TSFM: variants seen among roughly 807,000 people sequenced by gnomAD.
The protein encoded by TSFM is elongation factor Ts, mitochondrial.
A neutral mutation model predicts 33.4 loss-of-function variants in TSFM; 29 were observed. The observed-to-expected ratio is 0.87, with a 90% CI of 0.65 to 1.18. The LOEUF is 1.18. TSFM is among the 50% of genes most tolerant of loss of function. The probability of loss-of-function intolerance (pLI) is 0.00; values close to 1 mark genes in which losing one functional copy is unlikely to be tolerated. For missense variants in TSFM, 394 were observed against 395.6 expected (o/e 1.00, Z 0.04); for synonymous variants, 178 against 163.5 (o/e 1.09, Z -0.68).
chr12:57,802,094 C>T (rs1955860059), downstream of TSFM: 3 of 1,546,628 alleles, frequency 1.9e-6, no homozygotes, highest in East Asian at 6.8e-5. Context: ...ACTCCACCTT[C>T]CTGCCCACTG....
At position 57,789,084 on chromosome 12, in the gene TSFM, C is replaced by T. The variant is rs576578558; in HGVS notation, c.483+1922C>T. 3.1e-4 allele frequency among the ~76,000 whole-genome samples: 47 copies of T among 151,892 alleles called. 1 individual carries two copies. In the South Asian group the frequency reaches 9.8e-3, roughly 32 times the overall value. ...TCAAGCGATTCTTCCACCTCAGCCTCCCAAGTAGCTGGGATTACAGGCACC... is the reference window on the plus strand; with the variant it reads ...TCAAGCGATTCTTCCACCTCAGCCTTCCAAGTAGCTGGGATTACAGGCACC... On this transcript the variant is annotated intron_variant, in intron 4 of 5. Coordinates refer to ENST00000652027, the MANE Select transcript of TSFM (RefSeq NM_005726.6).
chr12:57,791,915 A>C (rs1439815122), intron 4 of TSFM: 1 of 366,302 alleles, frequency 2.7e-6, no homozygotes, highest in Non-Finnish European at 5.6e-6. Context: ...AAAATGTGCA[A>C]ATCTAGCTCT....
At chr12:57,795,299 CA>C (rs1955719076) in intron 5 of TSFM, among the ~76,000 whole-genome samples, 1 of 151,248 alleles carries the variant, frequency 6.6e-6, no homozygotes, top group African/African-American at 2.4e-5. Flanking sequence ...GGGGTTTCTC[CA>C]TGTTGGTCAG....
downstream of TSFM, chr12:57,800,242 C>T (rs1259796840): frequency 4.6e-6 from 1 of 218,816 alleles, no homozygotes. Context: ...TTTTATTTAG[C>T]CCTGCATTTC....
chr12:57,782,893 C>T (rs766847485), intron 1 of TSFM, 35 bp downstream of exon 1: 2 of 1,566,950 alleles, frequency 1.3e-6, no homozygotes, highest in Non-Finnish European at 1.7e-6. Context: ...GACCTGCTGT[C>T]CCTGCAGCTC....
At chr12:57,785,202 A>C (rs1205197616) in intron 2 of TSFM, among the ~76,000 whole-genome samples, 3 of 152,166 alleles carry the variant, frequency 2.0e-5, no homozygotes, top group Non-Finnish European at 2.9e-5. Flanking sequence ...TCGGGATTAC[A>C]GGCGTGAGCC....
At chr12:57,785,680 T>C (rs1034888329) in intron 2 of TSFM, among the ~76,000 whole-genome samples, 1 of 152,234 alleles carries the variant, frequency 6.6e-6, no homozygotes, top group African/African-American at 2.4e-5. Context: ...TGTTCATTAT[T>C]GTTTCAAGTA....
intron 4 of TSFM, among the ~76,000 whole-genome samples, chr12:57,792,393 G>T (rs1955674540): frequency 6.6e-6 from 1 of 152,114 alleles, no homozygotes; most frequent in African/African-American, 2.4e-5. Flanking sequence ...ATATTTAAAA[G>T]AAAAAGAAAA....
At chr12:57,798,863 C>T (rs987505947), downstream of TSFM, among the ~76,000 whole-genome samples, 5 of 152,148 alleles carry the variant, frequency 3.3e-5, no homozygotes, top group African/African-American at 9.7e-5. Context: ...GATCCACCCA[C>T]CTCACCCTCC....
intron 5 of TSFM, among the ~76,000 whole-genome samples, chr12:57,793,760 ACTTCCAG>A (rs1955695727): frequency 6.6e-6 from 1 of 152,206 alleles, no homozygotes; most frequent in Admixed American, 6.5e-5. Context: ...TGGCCTTTTG[ACTTCCAG>A]CTGAGTACTT....
rs775268501 is a variant in TSFM, at chr12:57,796,524, G to T, written c.919G>T (p.Val307Leu). The stretch of plus-strand genomic sequence containing the variant: ...GTATGTGCAGCCTCAGGGGGTGTCG[G>T]TAGTAGACTTTGTGCGGTTTGAATG... ...GQYVQPQGVSVVDFVRFECGE... is the reference protein window; with the variant it reads ...GQYVQPQGVSLVDFVRFECGE... Residue 307 changes from valine to leucine, a missense_variant, in exon 6 of 6, where the codon GTA (valine) becomes TTA (leucine). Physicochemically the swap from Val to Leu is conservative, Grantham distance 32. Around this residue, in one of 3 missense-constraint regions of TSFM, gnomAD observed 186 missense variants for 198.8 expected, o/e 0.94. Coordinates refer to ENST00000652027, the MANE Select transcript of TSFM (RefSeq NM_005726.6). 2.0e-6 allele frequency: 3 copies of T among 1,497,576 alleles called. No individual in the cohort carries two copies. The highest frequency in any genetic ancestry group is 4.5e-5 in the Admixed American group (2 of 44,886). The allele number at this position is 1,497,576 out of a possible 1,614,324, so 92.8% of individuals were successfully genotyped here.
intron 4 of TSFM, among the ~76,000 whole-genome samples, chr12:57,789,660 C>G (rs930557745): frequency 6.6e-6 from 1 of 152,234 alleles, no homozygotes; most frequent in Non-Finnish European, 1.5e-5. Context: ...GCCACCGCAC[C>G]CAGCCAAAAT....
rs556807503 is a variant in TSFM, at chr12:57,787,610, A to G, written c.483+448A>G. On this transcript the variant is annotated intron_variant, in intron 4 of 5. Coordinates refer to ENST00000652027, the MANE Select transcript of TSFM (RefSeq NM_005726.6). ...GAGGCTTTGTGTTCAGAAATTTGGA[A>G]TGGTCTTAGGAAAGAATTTCTAAAT... 2.6e-5 allele frequency among the ~76,000 whole-genome samples: 4 copies of G among 152,286 alleles called. 1 individual carries two copies. In the South Asian group the frequency reaches 8.3e-4, roughly 32 times the overall value.
Position 57,789,064 on chromosome 12 carries a change from C to T in TSFM, c.483+1902C>T, listed in dbSNP as rs184419428. Reference sequence around the variant, plus strand: ...TGCAACCTCTCCCTCCCAGTTCAAGCGATTCTTCCACCTCAGCCTCCCAAG... The same window carrying T: ...TGCAACCTCTCCCTCCCAGTTCAAGTGATTCTTCCACCTCAGCCTCCCAAG... On this transcript the variant is annotated intron_variant, in intron 4 of 5. Transcript: ENST00000652027. Among the ~76,000 whole-genome samples, 589 of 150,754 alleles carry T rather than the reference C, an allele frequency of 3.9e-3. 16 individuals are homozygous for T. The South Asian group carries it at 0.067, about 17-fold the overall frequency.
In TSFM at chr12:57,796,453, T is replaced by C. The variant is rs770849637; in HGVS notation, c.848T>C (p.Met283Thr). 4 of 1,597,344 alleles carry C rather than the reference T, an allele frequency of 2.5e-6. No individual in the cohort carries two copies. The African/African-American group carries it at 5.4e-5, about 21-fold the overall frequency. The change falls in exon 6 of 6, where the codon ATG becomes ACG. Residue 283 changes from methionine (M) to threonine (T), a missense_variant. By Grantham distance (81) the Met-to-Thr change is moderately conservative. Transcript: ENST00000652027. ...DEPGGEAETK[M>T]LSQPYLLDPS... ...CCTGGGGGAGAGGCAGAGACTAAGATGCTGTCCCAGCCGTATTTGCTGGAT... is the reference window on the plus strand; with the variant it reads ...CCTGGGGGAGAGGCAGAGACTAAGACGCTGTCCCAGCCGTATTTGCTGGAT...
intron 2 of TSFM, chr12:57,783,958 C>G (rs971548363): frequency 1.4e-6 from 1 of 702,666 alleles, no homozygotes; most frequent in African/African-American, 1.7e-5. Flanking sequence ...TAGTTTTTGC[C>G]TGTACGGTCA....
At position 57,796,939 on chromosome 12, in the gene TSFM, G is replaced by A. The variant is rs889164608; in HGVS notation, c.*356G>A. The A allele has an allele frequency of 3.0e-5, 30 of 992,488 alleles. No individual in the cohort carries two copies. The highest frequency in any genetic ancestry group is 1.0e-3 in the Middle Eastern group (2 of 1,978). 61.5% of individuals were successfully genotyped at this position (992,488 alleles called of 1,614,324 possible). On this transcript the variant is annotated 3_prime_UTR_variant, in exon 6 of 6. Transcript: ENST00000652027. ...CTCTTTTGTTCTGTTTTTGCTTTGCGACACTGTGAACCGTGCTTCTGCCTC... is the reference window on the plus strand; with the variant it reads ...CTCTTTTGTTCTGTTTTTGCTTTGCAACACTGTGAACCGTGCTTCTGCCTC...
At chr12:57,783,995 C>G in intron 2 of TSFM, 1 of 702,930 alleles carries the variant, frequency 1.4e-6, no homozygotes, top group African/African-American at 1.7e-5. Flanking sequence ...AAGATACATT[C>G]TGAGAAATGG....
At chr12:57,797,774 AAATT>A (rs1206996975), downstream of TSFM, 11 of 920,802 alleles carry the variant, frequency 1.2e-5, no homozygotes, top group South Asian at 2.6e-4. Flanking sequence ...TATTATATCT[AAATT>A]AAGTAGCTGA....
Sources: allele counts gnomAD v4.1 joint callset (sites outside exome capture counted in the v4.1 genomes callset), GRCh38; gene constraint gnomAD v4.1.1; regional missense constraint gnomAD v4.1.1; transcripts MANE v1.5; gene names NCBI Gene and HGNC (gene_info 2026-07-23, HGNC 2026-07-21).